Variants in ADAM12 observed in about 807,000 individuals in gnomAD.
The protein encoded by ADAM12 is ADAM metallopeptidase domain 12, also known as disintegrin and metalloproteinase domain-containing protein 12.
A neutral mutation model predicts 106.4 loss-of-function variants in ADAM12; 70 were observed. The observed-to-expected ratio is 0.66, with a 90% CI of 0.54 to 0.80. The LOEUF is 0.80. Among genes scored for constraint, ADAM12 ranks in the 30% least tolerant of loss-of-function variants. The probability of loss-of-function intolerance (pLI) is 0.00; values close to 1 mark genes in which losing one functional copy is unlikely to be tolerated. For missense variants in ADAM12, 1,010 were observed against 1,171.9 expected (o/e 0.86, Z 2.02); for synonymous variants, 420 against 433.5 (o/e 0.97, Z 0.39).
At chr10:126,052,790 AG>A (rs1171283086) in intron 14 of ADAM12, among the ~76,000 whole-genome samples, 2 of 152,230 alleles carry the variant, frequency 1.3e-5, no homozygotes, top group Non-Finnish European at 2.9e-5. Context: ...TCGTTATGAT[AG>A]GAAGTCAAGC....
intron 1 of ADAM12, 47 bp from the exon 2 acceptor site, chr10:126,330,556 A>C: frequency 6.5e-7 from 1 of 1,533,326 alleles, no homozygotes; most frequent in South Asian, 1.2e-5. Context: ...AGTCAGGAAG[A>C]GTTTGGCATC....
chr10:126,182,011 G>A (rs1025045093), intron 3 of ADAM12, among the ~76,000 whole-genome samples: 1 of 152,150 alleles, frequency 6.6e-6, no homozygotes, highest in Non-Finnish European at 1.5e-5. Context: ...CAGAAGACAC[G>A]TAAAGCACAT....
At chr10:126,162,771 G>A (rs1342576912) in intron 3 of ADAM12, among the ~76,000 whole-genome samples, 1 of 152,200 alleles carries the variant, frequency 6.6e-6, no homozygotes, top group Non-Finnish European at 1.5e-5. Context: ...CTTGCGTGAT[G>A]TCAACAGAGA....
chr10:126,179,461 TAAAAC>T (rs1032678557), intron 3 of ADAM12, among the ~76,000 whole-genome samples: 22 of 152,214 alleles, frequency 1.4e-4, no homozygotes, highest in Admixed American at 3.3e-4. Context: ...GCCACTCTGA[TAAAAC>T]AAAGTCAATT....
At chr10:126,197,362 CG>C (rs1957616037) in intron 3 of ADAM12, among the ~76,000 whole-genome samples, 1 of 152,152 alleles carries the variant, frequency 6.6e-6, no homozygotes, top group African/African-American at 2.4e-5. Context: ...AGAACAAGCT[CG>C]GGATACATGT....
At chr10:126,217,795 G>A (rs1268822013) in intron 3 of ADAM12, among the ~76,000 whole-genome samples, 4 of 151,614 alleles carry the variant, frequency 2.6e-5, no homozygotes, top group South Asian at 4.2e-4. Flanking sequence ...AACATATAGC[G>A]AAACCTCATC....
chr10:126,326,585 TTGCAC>T (rs1331836243), intron 2 of ADAM12, among the ~76,000 whole-genome samples: 1 of 152,092 alleles, frequency 6.6e-6, no homozygotes, highest in Admixed American at 6.5e-5. Context: ...TCCTGGACAG[TTGCAC>T]TGGATTCCCC....
chr10:126,034,278 T>C (rs762847119), intron 21 of ADAM12, among the ~76,000 whole-genome samples: 54 of 146,058 alleles, frequency 3.7e-4, no homozygotes, highest in Middle Eastern at 3.2e-3. Flanking sequence ...TAATTACACA[T>C]GTTACTTCCA....
chr10:126,359,394 T>C lies in ADAM12; in HGVS notation c.88+28664A>G, dbSNP rs528620603. 9.8e-5 allele frequency among the ~76,000 whole-genome samples: 15 copies of C among 152,316 alleles called. No individual in the cohort carries two copies. In the South Asian group the frequency reaches 1.9e-3, roughly 19 times the overall value. On this transcript the variant is annotated intron_variant, in intron 1 of 22. Coordinates refer to ENST00000448723, the MANE Select transcript of ADAM12 (RefSeq NM_001288973.2). Reference sequence around the variant, plus strand: ...AGACAAGGCAAGTCCCTTCTGCCTATGAGCCTGTAAAATCAAAAGCAAGTT... The same window carrying C: ...AGACAAGGCAAGTCCCTTCTGCCTACGAGCCTGTAAAATCAAAAGCAAGTT...
At chr10:126,193,789 C>G (rs1205628599) in intron 3 of ADAM12, among the ~76,000 whole-genome samples, 1 of 151,956 alleles carries the variant, frequency 6.6e-6, no homozygotes, top group Non-Finnish European at 1.5e-5. Flanking sequence ...CCCAGCTACT[C>G]GGTAGGCTGA....
At chr10:126,269,185 G>C (rs1959159721) in intron 3 of ADAM12, among the ~76,000 whole-genome samples, 1 of 152,172 alleles carries the variant, frequency 6.6e-6, no homozygotes. Context: ...TCACTCTCGT[G>C]ACCATTTTAG....
In ADAM12 at chr10:126,118,051, G is replaced by C; in HGVS notation, c.590C>G (p.Thr197Arg). ...AKNVFPPPSQ[T>R]WARRHKRETL... ...TATCCCCCTTACCCTTCTTGCCCATGTCTGAGAGGGTGGTGGAAACACATT... is the reference window on the plus strand; with the variant it reads ...TATCCCCCTTACCCTTCTTGCCCATCTCTGAGAGGGTGGTGGAAACACATT... Residue 197 changes from threonine to arginine, a missense_variant, in exon 6 of 23, where the codon ACA (threonine) becomes AGA (arginine). Coordinates refer to ENST00000448723, the MANE Select transcript of ADAM12 (RefSeq NM_001288973.2). The C allele has an allele frequency of 6.2e-7, 1 of 1,614,108 alleles. No homozygotes were observed. Among genetic ancestry groups the C allele is most frequent in the Non-Finnish European group, 8.5e-7 (1 of 1,179,992 alleles).
chr10:126,284,647 C>G (rs1959758453), intron 2 of ADAM12, among the ~76,000 whole-genome samples: 1 of 152,188 alleles, frequency 6.6e-6, no homozygotes, highest in Non-Finnish European at 1.5e-5. Flanking sequence ...CTCAGCCTCT[C>G]AAGTAGCTGG....
At chr10:126,155,584 C>T (rs1956800663) in intron 3 of ADAM12, among the ~76,000 whole-genome samples, 2 of 152,176 alleles carry the variant, frequency 1.3e-5, no homozygotes, top group South Asian at 4.2e-4. Flanking sequence ...CTCATTCCTT[C>T]ATGCGCACAC....
intron 1 of ADAM12, among the ~76,000 whole-genome samples, chr10:126,372,849 A>G (rs1342219331): frequency 6.6e-6 from 1 of 152,204 alleles, no homozygotes; most frequent in Non-Finnish European, 1.5e-5. Flanking sequence ...ACCTTTTTAA[A>G]GGAGAGCAGA....
At chr10:126,338,793 A>G (rs1288086083) in intron 1 of ADAM12, among the ~76,000 whole-genome samples, 1 of 152,214 alleles carries the variant, frequency 6.6e-6, no homozygotes, top group Non-Finnish European at 1.5e-5. Flanking sequence ...GTAAGGGGAA[A>G]ATGAAACTAA....
chr10:126,201,285 T>C (rs901720422), intron 3 of ADAM12, among the ~76,000 whole-genome samples: 3 of 152,070 alleles, frequency 2.0e-5, no homozygotes, highest in African/African-American at 7.2e-5. Flanking sequence ...ACTGGAGTAG[T>C]GTGGGCCTTA....
chr10:126,228,456 G>A (rs1958243646), intron 3 of ADAM12, among the ~76,000 whole-genome samples: 1 of 152,208 alleles, frequency 6.6e-6, no homozygotes, highest in East Asian at 1.9e-4. Flanking sequence ...TCAGATAGAA[G>A]GATTTAATTT....
intron 14 of ADAM12, among the ~76,000 whole-genome samples, chr10:126,052,581 T>A (rs1170178014): frequency 1.3e-5 from 2 of 152,088 alleles, no homozygotes; most frequent in Non-Finnish European, 2.9e-5. Flanking sequence ...ACACGTGAGC[T>A]TACAAACAGC....
Sources: allele counts gnomAD v4.1 joint callset (sites outside exome capture counted in the v4.1 genomes callset), GRCh38; gene constraint gnomAD v4.1.1; transcripts MANE v1.5; gene names NCBI Gene and HGNC (gene_info 2026-07-23, HGNC 2026-07-21).